Variants in PAX7 observed in about 807,000 individuals in gnomAD.
PAX7 encodes paired box protein Pax-7.
In PAX7, 18 loss-of-function variants were observed where a neutral mutation model predicts 50.7. The ratio of observed to expected loss-of-function variants is 0.36; its 90% CI spans 0.25 to 0.53. The LOEUF is 0.53. Among genes scored for constraint, PAX7 ranks in the 20% least tolerant of loss-of-function variants. The probability of loss-of-function intolerance (pLI) is 0.93; values close to 1 mark genes in which losing one functional copy is unlikely to be tolerated. For synonymous variants in PAX7, 310 were observed against 290.4 expected (o/e 1.07, Z -0.69); for missense variants, 644 against 702.9 (o/e 0.92, Z 0.95).
chr1:18,714,302 C>T (rs549727873), intron 7 of PAX7, among the ~76,000 whole-genome samples: 15 of 152,256 alleles, frequency 9.9e-5, no homozygotes, highest in Admixed American at 2.6e-4. Flanking sequence ...GTTATATGAG[C>T]GCTCAGAGCC....
intron 4 of PAX7, among the ~76,000 whole-genome samples, chr1:18,647,710 C>T (rs2088368153): frequency 1.3e-5 from 2 of 152,116 alleles, no homozygotes; most frequent in South Asian, 2.1e-4. Flanking sequence ...AATATCACTC[C>T]CCCATCCTCT....
At chr1:18,738,443 G>A (rs537624935) in intron 8 of PAX7, among the ~76,000 whole-genome samples, 7 of 152,186 alleles carry the variant, frequency 4.6e-5, no homozygotes, top group Non-Finnish European at 1.0e-4. Flanking sequence ...GGGGGCAGCA[G>A]GGGAGGGGAT....
intron 4 of PAX7, among the ~76,000 whole-genome samples, chr1:18,655,350 A>G (rs2100465487): frequency 6.6e-6 from 1 of 152,300 alleles, no homozygotes; most frequent in East Asian, 1.9e-4. Flanking sequence ...ATATGCAAAC[A>G]AGTGCCAAAC....
chr1:18,716,360 G>A (rs2089420041), intron 7 of PAX7, among the ~76,000 whole-genome samples: 2 of 152,106 alleles, frequency 1.3e-5, no homozygotes. Context: ...TGAGAGGGTG[G>A]ACAGCCTCCC....
chr1:18,689,761 G>A (rs1570174781), intron 4 of PAX7, among the ~76,000 whole-genome samples: 1 of 152,210 alleles, frequency 6.6e-6, no homozygotes, highest in South Asian at 2.1e-4. Context: ...AAATTACCCA[G>A]CATGCCTTTT....
At chr1:18,686,694 C>CAGG (rs1043308935) in intron 4 of PAX7, among the ~76,000 whole-genome samples, 6 of 152,024 alleles carry the variant, frequency 3.9e-5, no homozygotes, top group Non-Finnish European at 5.9e-5. Context: ...AGTGGGGGTG[C>CAGG]AGGAAGCTGA....
At chr1:18,705,793 C>G (rs947451538) in intron 7 of PAX7, among the ~76,000 whole-genome samples, 2 of 152,190 alleles carry the variant, frequency 1.3e-5, no homozygotes, top group Non-Finnish European at 2.9e-5. Flanking sequence ...GCCCTCCACC[C>G]AGCCCAGAAT....
intron 4 of PAX7, among the ~76,000 whole-genome samples, chr1:18,657,912 G>C (rs921427523): frequency 1.3e-4 from 20 of 152,178 alleles, no homozygotes; most frequent in Admixed American, 1.2e-3. Context: ...ATTAAGGGAA[G>C]GTTAGACAAA....
intron 5 of PAX7, among the ~76,000 whole-genome samples, chr1:18,697,102 C>A (rs1358291816): frequency 6.6e-6 from 1 of 151,958 alleles, no homozygotes; most frequent in Admixed American, 6.6e-5. Flanking sequence ...GGACTTGAAC[C>A]CAAGTCTATC....
intron 4 of PAX7, among the ~76,000 whole-genome samples, chr1:18,681,952 G>C (rs993616565): frequency 6.6e-6 from 1 of 151,980 alleles, no homozygotes; most frequent in Admixed American, 6.6e-5. Flanking sequence ...TGGTCAGGCT[G>C]GTCTCGAACT....
At chr1:18,742,202 G>A (rs1281840639) in intron 8 of PAX7, among the ~76,000 whole-genome samples, 3 of 135,368 alleles carry the variant, frequency 2.2e-5, no homozygotes, top group Admixed American at 8.7e-5. Flanking sequence ...CTGTTGCCCA[G>A]GCTGGAGTGC....
At chr1:18,715,077 CG>C (rs1289819962) in intron 7 of PAX7, among the ~76,000 whole-genome samples, 5 of 152,172 alleles carry the variant, frequency 3.3e-5, no homozygotes, top group Non-Finnish European at 7.3e-5. Context: ...GTAGGAGAGA[CG>C]GGGGGTGACT....
chr1:18,653,691 T>C (rs1002085346), intron 4 of PAX7, among the ~76,000 whole-genome samples: 1 of 151,956 alleles, frequency 6.6e-6, no homozygotes, highest in African/African-American at 2.4e-5. Flanking sequence ...TCCATGGTTC[T>C]GAACGTATCT....
In PAX7 at chr1:18,747,644, TC is replaced by T. The variant is rs1386293226; in HGVS notation, c.*2718del. On this transcript the variant is annotated 3_prime_UTR_variant, in exon 9 of 9. Transcript: ENST00000420770. ...CCGTCCCAGAAACAACCCCCATCCA[TC>T]CCTGTAAATAGAGTCTGTAGCAAAA... is the stretch of plus-strand genomic sequence containing the variant. 1 of 210,124 alleles carries T rather than the reference TC, an allele frequency of 4.8e-6. No individual in the cohort carries two copies. The highest frequency in any genetic ancestry group is 7.1e-5 in the East Asian group (1 of 14,096). The allele number at this position is 210,124 out of a possible 1,614,324, so 13.0% of individuals were successfully genotyped here.
chr1:18,715,016 G>T (rs1269289994), intron 7 of PAX7, among the ~76,000 whole-genome samples: 1 of 152,258 alleles, frequency 6.6e-6, no homozygotes, highest in Non-Finnish European at 1.5e-5. Flanking sequence ...CAGGAGGAAG[G>T]CCGCTGGGAT....
Position 18,748,136 on chromosome 1 carries a change from A to C in PAX7, c.*3207A>C, listed in dbSNP as rs879122566. On this transcript the variant is annotated 3_prime_UTR_variant, in exon 9 of 9. Transcript: ENST00000420770. ...GGGGATAAGAGAGAAGAAAAGAAGA[A>C]TGGAGAGAGAGGTTTGCCCAGAAGG... The C allele has an allele frequency of 9.1e-6, 2 of 219,100 alleles. No individual in the cohort carries two copies. Among genetic ancestry groups the C allele is most frequent in the South Asian group, 3.7e-4 (2 of 5,402 alleles). The allele number at this position is 219,100 out of a possible 1,614,324, so 13.6% of individuals were successfully genotyped here.
intron 4 of PAX7, among the ~76,000 whole-genome samples, chr1:18,661,055 G>C (rs939578063): frequency 1.3e-5 from 2 of 152,098 alleles, no homozygotes; most frequent in Admixed American, 1.3e-4. Flanking sequence ...GAATAGGGAG[G>C]GGGCCAAAGC....
At chr1:18,728,246 C>T (rs1332244360) in intron 7 of PAX7, among the ~76,000 whole-genome samples, 1 of 152,052 alleles carries the variant, frequency 6.6e-6, no homozygotes, top group Non-Finnish European at 1.5e-5. Flanking sequence ...TTTGTGTGCA[C>T]ATCGGGGAGG....
chr1:18,639,166 A>G (rs943325063), intron 4 of PAX7, among the ~76,000 whole-genome samples: 1 of 152,174 alleles, frequency 6.6e-6, no homozygotes, highest in Non-Finnish European at 1.5e-5. Context: ...GCTGGTAATG[A>G]AAACTGGGAC....
Sources: allele counts gnomAD v4.1 joint callset (sites outside exome capture counted in the v4.1 genomes callset), GRCh38; gene constraint gnomAD v4.1.1; transcripts MANE v1.5; gene names NCBI Gene and HGNC (gene_info 2026-07-23, HGNC 2026-07-21).